The following GALNT11 variants were observed in gnomAD, a reference collection of about 807,000 sequenced individuals.
GALNT11 encodes the protein polypeptide N-acetylgalactosaminyltransferase 11.
Under a neutral mutation model 72.7 loss-of-function variants are expected in GALNT11, and 47 were observed. The observed-to-expected ratio is 0.65, with a 90% CI of 0.51 to 0.82. The LOEUF is 0.82. Ranked by LOEUF, GALNT11 falls within the 40% of genes least tolerant of loss-of-function variation. The pLI, the probability that GALNT11 is intolerant of heterozygous loss-of-function variation, is 0.00. For synonymous variants in GALNT11, 270 were observed against 286.6 expected (o/e 0.94, Z 0.58); for missense variants, 677 against 778.4 (o/e 0.87, Z 1.55).
chr7:152,085,896 T>TG (rs35364788), intron 1 of GALNT11, among the ~76,000 whole-genome samples: 1 of 124,072 alleles, frequency 8.1e-6, no homozygotes, highest in East Asian at 3.2e-4. Context: ...TTGTTTTTTG[T>TG]TTTTTTTTTT....
At chr7:152,103,003 G>T in intron 3 of GALNT11, 109 bp from the exon 4 acceptor site, 2 of 1,034,688 alleles carry the variant, frequency 1.9e-6, no homozygotes, top group Non-Finnish European at 2.7e-6. Flanking sequence ...AAAAGGCAGG[G>T]GGTGGGGGAA....
At chr7:152,066,936 C>T (rs949593179) in intron 1 of GALNT11, among the ~76,000 whole-genome samples, 15 of 152,176 alleles carry the variant, frequency 9.9e-5, no homozygotes, top group South Asian at 2.1e-4. Context: ...AACGTAACAC[C>T]GAAACACGAA....
intron 1 of GALNT11, among the ~76,000 whole-genome samples, chr7:152,034,824 G>T (rs567233112): frequency 3.4e-4 from 52 of 152,228 alleles, no homozygotes; most frequent in African/African-American, 1.3e-3. Context: ...GTCGGATTTA[G>T]TGGCCCTTAC....
chr7:152,120,664 C>T (rs1439428640), intron 10 of GALNT11, 167 bp from the exon 11 acceptor site: 1 of 611,170 alleles, frequency 1.6e-6, no homozygotes, highest in South Asian at 2.1e-5. Context: ...CCTGCCTTAG[C>T]TATCTGAAGT....
At chr7:152,110,681 G>A (rs764318122) in intron 7 of GALNT11, 36 bp downstream of exon 7, 11 of 1,311,466 alleles carry the variant, frequency 8.4e-6, no homozygotes, top group Non-Finnish European at 1.2e-5. Context: ...TAATAACTGT[G>A]TAGTGGAATA....
chr7:152,120,033 C>T (rs1210969458), intron 10 of GALNT11: 1 of 152,152 alleles, frequency 6.6e-6, no homozygotes, highest in East Asian at 1.9e-4. Flanking sequence ...ATGGAGTTAT[C>T]CTATTCTAAG....
At chr7:152,114,107 C>T (rs1459102041) in intron 8 of GALNT11, among the ~76,000 whole-genome samples, 9 of 151,944 alleles carry the variant, frequency 5.9e-5, no homozygotes, top group Non-Finnish European at 2.9e-5. Flanking sequence ...GACCCAATCC[C>T]GTTTCTTCCC....
chr7:152,030,098 CGA>C (rs2082235571), intron 1 of GALNT11, among the ~76,000 whole-genome samples: 1 of 152,102 alleles, frequency 6.6e-6, no homozygotes, highest in East Asian at 1.9e-4. Flanking sequence ...TGTGCGGAGA[CGA>C]GAGAGTGTAG....
At chr7:152,084,799 T>C (rs941312495) in intron 1 of GALNT11, among the ~76,000 whole-genome samples, 1 of 152,180 alleles carries the variant, frequency 6.6e-6, no homozygotes, top group African/African-American at 2.4e-5. Flanking sequence ...GCTAAATATA[T>C]GGGGCTGAAA....
At chr7:152,059,290 T>C (rs1012824320) in intron 1 of GALNT11, among the ~76,000 whole-genome samples, 2 of 151,806 alleles carry the variant, frequency 1.3e-5, no homozygotes, top group Non-Finnish European at 2.9e-5. Flanking sequence ...TTTGTAGCGA[T>C]TGGGTCTCAC....
At chr7:152,097,808 G>C (rs1222049564) in intron 2 of GALNT11, among the ~76,000 whole-genome samples, 1 of 152,200 alleles carries the variant, frequency 6.6e-6, no homozygotes, top group Non-Finnish European at 1.5e-5. Flanking sequence ...CAGGTCCATG[G>C]AGACAGAAGG....
rs762856323 is a variant in GALNT11 at position 152,120,824 on chromosome 7, T to G, written c.1558-7T>G. 1 of 1,590,556 alleles carries G rather than the reference T, an allele frequency of 6.3e-7. No homozygotes were observed. The highest frequency in any genetic ancestry group is 8.6e-7 in the Non-Finnish European group (1 of 1,162,752). On this transcript the variant is annotated splice_polypyrimidine_tract_variant and splice_region_variant and intron_variant, in intron 10 of 11. Coordinates refer to ENST00000430044, the MANE Select transcript of GALNT11 (RefSeq NM_022087.4). ...TATCTAAATTTTATTTTATTTTTCT[T>G]CTCTAGATCTGGATCTATAATGAAG...
intron 1 of GALNT11, among the ~76,000 whole-genome samples, chr7:152,090,729 A>G (rs541004199): frequency 1.3e-5 from 2 of 150,272 alleles, no homozygotes; most frequent in Non-Finnish European, 2.9e-5. Context: ...TGACACAAGT[A>G]TCACGTTTTC....
intron 1 of GALNT11, among the ~76,000 whole-genome samples, chr7:152,081,869 TC>T (rs1404104419): frequency 1.3e-5 from 2 of 152,194 alleles, no homozygotes; most frequent in Non-Finnish European, 2.9e-5. Flanking sequence ...TCATCTTTTT[TC>T]ACCTGACAAC....
chr7:152,044,631 A>G (rs922066250), intron 1 of GALNT11, among the ~76,000 whole-genome samples: 1 of 152,162 alleles, frequency 6.6e-6, no homozygotes. Flanking sequence ...TGATATTTGT[A>G]TATTGATTTT....
intron 1 of GALNT11, among the ~76,000 whole-genome samples, chr7:152,061,156 G>A (rs185151926): frequency 0.04 from 6,051 of 152,162 alleles, 155 homozygotes; most frequent in Non-Finnish European, 0.061. Context: ...ACTTTTTAAT[G>A]ATCGCCATTC....
At chr7:152,100,735 A>G in intron 2 of GALNT11, 63 bp from the exon 3 acceptor site, 1 of 1,576,408 alleles carries the variant, frequency 6.3e-7, no homozygotes, top group Non-Finnish European at 8.7e-7. Flanking sequence ...AGATCATAAT[A>G]TCGTTAACAG....
At chr7:152,051,928 T>G (rs1051140868) in intron 1 of GALNT11, among the ~76,000 whole-genome samples, 1 of 152,194 alleles carries the variant, frequency 6.6e-6, no homozygotes, top group Non-Finnish European at 1.5e-5. Flanking sequence ...TTTTAACTAT[T>G]TTTAACTGTA....
At chr7:152,075,130 C>G (rs939678419) in intron 1 of GALNT11, 1 of 152,262 alleles carries the variant, frequency 6.6e-6, no homozygotes, top group Non-Finnish European at 1.5e-5. Flanking sequence ...TCTCACTAGT[C>G]CACACCGAGC....
Sources: allele counts gnomAD v4.1 joint callset (sites outside exome capture counted in the v4.1 genomes callset), GRCh38; gene constraint gnomAD v4.1.1; transcripts MANE v1.5; gene names NCBI Gene and HGNC (gene_info 2026-07-23, HGNC 2026-07-21).